The following GIT2 variants were observed in gnomAD, a reference collection of about 807,000 sequenced individuals.
GIT2 encodes ARF GTPase-activating protein GIT2.
In GIT2, 32 loss-of-function variants were observed where a neutral mutation model predicts 100.3. The ratio of observed to expected loss-of-function variants is 0.32; its 90% CI spans 0.24 to 0.43. GIT2 has a LOEUF of 0.43. GIT2 is among the 20% of genes least tolerant of loss of function. GIT2 has a pLI of 1.00. For synonymous variants in GIT2, 353 were observed against 364.1 expected (o/e 0.97, Z 0.35); for missense variants, 737 against 975.1 (o/e 0.76, Z 3.25).
rs760414775 is a variant in GIT2 at position 109,948,150 on chromosome 12, C to T, written c.1393-646G>A. 4.1e-5 allele frequency: 40 copies of T among 967,014 alleles called. No individual in the cohort carries two copies. Among genetic ancestry groups the T allele is most frequent in the Non-Finnish European group, 4.5e-5 (37 of 813,444 alleles). 59.9% of individuals were successfully genotyped at this position (967,014 alleles called of 1,614,324 possible). A position where few individuals can be genotyped will look rare whatever the true frequency, so the allele number is the denominator to read the frequency against. On this transcript the variant is annotated intron_variant, in intron 14 of 19. Coordinates refer to ENST00000355312, the MANE Select transcript of GIT2 (RefSeq NM_057169.5). This position sits in a 1 kb window ranked among gnomAD's most constrained non-coding sequence, Gnocchi z 4.3. ...AAAAAAAAAAGAAAAAAGAGAAAAC[C>T]GGATCATGGTAAGTTTGCTATATTA... is the stretch of plus-strand genomic sequence containing the variant.
intron 1 of GIT2, among the ~76,000 whole-genome samples, chr12:109,992,427 G>A (rs777253843): frequency 2.0e-5 from 3 of 151,630 alleles, no homozygotes; most frequent in Non-Finnish European, 2.9e-5. Flanking sequence ...GATTACAGGC[G>A]TGAGCCACTG....
chr12:109,964,747 GAAGTT>G (rs1881915862), intron 9 of GIT2, among the ~76,000 whole-genome samples: 1 of 151,230 alleles, frequency 6.6e-6, no homozygotes, highest in Non-Finnish European at 1.5e-5. Context: ...GTTACAAAAA[GAAGTT>G]AAGAATCTTG....
chr12:109,967,570 C>T, intron 7 of GIT2, 67 bp from the exon 8 acceptor site: 2 of 1,028,610 alleles, frequency 1.9e-6, no homozygotes, highest in Non-Finnish European at 3.1e-6. Context: ...AGGAACATCA[C>T]CATTATTTCC....
chr12:109,960,096 C>CCATATT, intron 11 of GIT2, 138 bp from the exon 12 acceptor site: 1 of 644,018 alleles, frequency 1.6e-6, no homozygotes, highest in Non-Finnish European at 2.8e-6. Context: ...TTAATCCCAG[C>CCATATT]CATAATCAAA....
At position 109,930,330 on chromosome 12, in the gene GIT2, C is replaced by T. The variant is rs1242328761; in HGVS notation, c.*2648G>A. The T allele has an allele frequency of 6.5e-6, 1 of 153,202 alleles. No homozygotes were observed. The highest frequency in any genetic ancestry group is 1.5e-5 in the Non-Finnish European group (1 of 68,416). 9.5% of individuals were successfully genotyped at this position (153,202 alleles called of 1,614,324 possible). A position where few individuals can be genotyped will look rare whatever the true frequency, so the allele number is the denominator to read the frequency against. Reference sequence around the variant, plus strand: ...ATAAAGTGCACCTCTGCCCTATCAGCTTTGGGGGAAGGGTGGCATATGGGG... The same window carrying T: ...ATAAAGTGCACCTCTGCCCTATCAGTTTTGGGGGAAGGGTGGCATATGGGG... On this transcript the variant is annotated 3_prime_UTR_variant, in exon 20 of 20. Coordinates refer to ENST00000355312, the MANE Select transcript of GIT2 (RefSeq NM_057169.5).
At chr12:109,985,012 C>T (rs1274105192) in intron 4 of GIT2, among the ~76,000 whole-genome samples, 3 of 152,192 alleles carry the variant, frequency 2.0e-5, no homozygotes, top group Admixed American at 2.0e-4. Flanking sequence ...TGCAGAAAAG[C>T]TCTTATACAG....
chr12:109,985,489 G>A (rs1446781664), intron 4 of GIT2, among the ~76,000 whole-genome samples: 2 of 152,186 alleles, frequency 1.3e-5, no homozygotes, highest in Admixed American at 1.3e-4. Flanking sequence ...GCCAAGGCAG[G>A]CAGACTGCTT....
Position 109,961,344 on chromosome 12 carries a change from C to T in GIT2, c.921G>A (p.Leu307=), listed in dbSNP as rs976065074. The change falls in exon 11 of 20, where the codon CTG becomes CTA. Residue 307 remains leucine (L), a synonymous_variant. Coordinates refer to ENST00000355312, the MANE Select transcript of GIT2 (RefSeq NM_057169.5). ...AGGGGACGACCGTTGTCTCGGTTAC[C>T]AGGGCGCTGTGGTTTTGCGTGGCAA... ...VWLATQNHSA[L]VTETTVVPFL... 1.5e-5 allele frequency: 24 copies of T among 1,613,444 alleles called. No homozygotes were observed. Among genetic ancestry groups the T allele is most frequent in the Non-Finnish European group, 1.9e-5 (23 of 1,179,520 alleles).
intron 7 of GIT2, among the ~76,000 whole-genome samples, chr12:109,976,832 G>A (rs1274348994): frequency 2.0e-5 from 3 of 151,976 alleles, no homozygotes; most frequent in African/African-American, 7.3e-5. Context: ...CAGGTGATCC[G>A]CCTGCCTCGG....
chr12:109,989,737 C>G lies in GIT2; in HGVS notation c.252G>C (p.Ala84=), dbSNP rs564553008. The G allele has an allele frequency of 4.4e-6, 7 of 1,605,018 alleles. No individual in the cohort carries two copies. In the East Asian group the frequency reaches 1.6e-4, roughly 36 times the overall value. Reference sequence around the variant, plus strand: ...CTTTACGTCTTCCACTCATAATAGACGCAGGGTCCAGCAAAGAATGCTCCC... The same window carrying G: ...CTTTACGTCTTCCACTCATAATAGAGGCAGGGTCCAGCAAAGAATGCTCCC... The part of the protein sequence containing the change: ...SIWEHSLLDP[A]SIMSGRRKAN... The change falls in exon 3 of 20, where the codon GCG becomes GCC. Residue 84 remains alanine, a synonymous_variant. Transcript: ENST00000355312.
At position 109,980,971 on chromosome 12, in the gene GIT2, A is replaced by G. The variant is rs1197853461; in HGVS notation, c.699T>C (p.Tyr233=). The change falls in exon 7 of 20, where the codon TAT becomes TAC. Residue 233 remains tyrosine, a synonymous_variant. Transcript: ENST00000355312. Reference sequence around the variant, plus strand: ...ACTCACCTGGTTTCCTGCCACAGAGATAGAAGGCTAGTCTGTCCGTTAGCT... The same window carrying G: ...ACTCACCTGGTTTCCTGCCACAGAGGTAGAAGGCTAGTCTGTCCGTTAGCT... ...QYELTDRLAF[Y]LCGRKPDHKN... The G allele has an allele frequency of 6.2e-7, 1 of 1,608,468 alleles. No individual in the cohort carries two copies. Among genetic ancestry groups the G allele is most frequent in the Non-Finnish European group, 8.5e-7 (1 of 1,174,884 alleles).
intron 16 of GIT2, among the ~76,000 whole-genome samples, chr12:109,942,100 T>C (rs914108877): frequency 3.9e-5 from 6 of 152,142 alleles, no homozygotes; most frequent in African/African-American, 1.4e-4. Flanking sequence ...GCTGGGATTA[T>C]AGGTGTTAGC....
intron 7 of GIT2, among the ~76,000 whole-genome samples, chr12:109,971,298 T>G (rs1316662878): frequency 6.6e-6 from 1 of 152,146 alleles, no homozygotes; most frequent in Non-Finnish European, 1.5e-5. Flanking sequence ...TGTATTTCAT[T>G]AGATTTATAC....
At chr12:109,954,617 A>G (rs908361674) in intron 12 of GIT2, 1 of 151,976 alleles carries the variant, frequency 6.6e-6, no homozygotes, top group African/African-American at 2.4e-5. Flanking sequence ...ACTAGGTCCT[A>G]GCTGGGCGCA....
At chr12:109,940,972 A>G (rs771753744) in intron 16 of GIT2, among the ~76,000 whole-genome samples, 4 of 151,640 alleles carry the variant, frequency 2.6e-5, no homozygotes, top group African/African-American at 4.8e-5. Flanking sequence ...CTCCTTACTG[A>G]TAACACCTGG....
chr12:109,989,050 G>C lies in GIT2; in HGVS notation c.318C>G (p.Phe106Leu), dbSNP rs1226296586. ...CTAACATCTGATACTTGGCTCTGAT[G>C]AATTCCGCTTTATTGGGACTGGTTC... ...QDKVHPNKAE[F>L]IRAKYQMLAF... is the part of the protein sequence containing the mutation. The change falls in exon 4 of 20, where the codon TTC becomes TTG. Residue 106 changes from phenylalanine to leucine, a missense_variant. Around this residue, in one of 3 missense-constraint regions of GIT2, gnomAD observed 266 missense variants for 376.2 expected, o/e 0.71. Coordinates refer to ENST00000355312, the MANE Select transcript of GIT2 (RefSeq NM_057169.5). The C allele has an allele frequency of 6.2e-7, 1 of 1,609,906 alleles. No individual in the cohort carries two copies. The highest frequency in any genetic ancestry group is 2.2e-5 in the East Asian group (1 of 44,868).
In GIT2 at chr12:109,933,591, A is replaced by ATATTT. The variant is rs1403629315; in HGVS notation, c.2068-406_2068-402dup. On this transcript the variant is annotated intron_variant, in intron 19 of 19. Coordinates refer to ENST00000355312, the MANE Select transcript of GIT2 (RefSeq NM_057169.5). The surrounding 1 kb of genome is among the most constrained non-coding windows in gnomAD (Gnocchi z 4.5). ...ATATTTCAAAGCTCTATACGACTGC[A>ATATTT]TATTTTATTTTATTTTACTTTTTTT... 1 of 210,130 alleles carries ATATTT rather than the reference A, an allele frequency of 4.8e-6. No individual in the cohort carries two copies. Among genetic ancestry groups the ATATTT allele is most frequent in the South Asian group, 9.5e-5 (1 of 10,474 alleles). The allele number at this position is 210,130 out of a possible 1,614,324, so 13.0% of individuals were successfully genotyped here. A position where few individuals can be genotyped will look rare whatever the true frequency, so the allele number is the denominator to read the frequency against.
Position 109,947,505 on chromosome 12 carries a change from C to A in GIT2, c.1393-1G>T. 1 of 1,611,146 alleles carries A rather than the reference C, an allele frequency of 6.2e-7. No homozygotes were observed. Among genetic ancestry groups the A allele is most frequent in the Non-Finnish European group, 8.5e-7 (1 of 1,178,050 alleles). The stretch of plus-strand genomic sequence containing the variant: ...AATTTTCACTCTGGAGTGTTTGAAG[C>A]TGAAAGAAATGTTTGGCAGTGGGAC... On this transcript the variant is annotated splice_acceptor_variant, in intron 14 of 19. Transcript: ENST00000355312. LOFTEE classifies it high-confidence loss of function. This position sits in a 1 kb window ranked among gnomAD's most constrained non-coding sequence, Gnocchi z 4.3.
rs139749909 is a variant in GIT2, at chr12:109,957,001, G to C, written c.1099+2846C>G. The stretch of plus-strand genomic sequence containing the variant: ...CCACTGCACTCCAGCCTGGGCGACA[G>C]AGTGAGACTCGTCTCAAAAAAAAAA... On this transcript the variant is annotated intron_variant, in intron 12 of 19. Transcript: ENST00000355312. 3.8e-4 allele frequency among the ~76,000 whole-genome samples: 58 copies of C among 150,784 alleles called. No homozygotes were observed. In the East Asian group the frequency reaches 6.4e-3, roughly 17 times the overall value.
Sources: gnomAD v4.1 joint callset for allele counts (sites outside exome capture counted in the v4.1 genomes callset) on GRCh38, gnomAD v4.1.1 for gene constraint, gnomAD v4.1.1 regional missense constraint, Gnocchi (gnomAD v3.1) non-coding constraint, MANE v1.5 for transcripts, NCBI Gene and HGNC (gene_info 2026-07-23, HGNC 2026-07-21) for gene names.